The following EYA2 variants were observed in gnomAD, a reference collection of about 807,000 sequenced individuals.
EYA2 encodes EYA transcriptional coactivator and phosphatase 2.
EYA2 carries 31 observed loss-of-function variants against 69.2 expected under a neutral mutation model. The ratio of observed to expected loss-of-function variants is 0.45; its 90% CI spans 0.34 to 0.60. EYA2 has a LOEUF of 0.60. Among genes scored for constraint, EYA2 ranks in the 20% least tolerant of loss-of-function variants. The probability of loss-of-function intolerance (pLI) is 0.02; values close to 1 mark genes in which losing one functional copy is unlikely to be tolerated. For synonymous variants in EYA2, 257 were observed against 279.4 expected, an observed-to-expected ratio of 0.92 and a Z score of 0.80; for missense variants, 622 against 701.2, an observed-to-expected ratio of 0.89 and a Z score of 1.28.
chr20:47,054,004 T>C (rs914580940), intron 5 of EYA2, among the ~76,000 whole-genome samples: 2 of 152,012 alleles, frequency 1.3e-5, no homozygotes, highest in African/African-American at 2.4e-5. Context: ...GGGGATGGTA[T>C]TGATGATGAC....
chr20:46,903,381 A>C (rs747090112), intron 1 of EYA2, among the ~76,000 whole-genome samples: 1 of 152,206 alleles, frequency 6.6e-6, no homozygotes, highest in Non-Finnish European at 1.5e-5. Flanking sequence ...CGCACTAGGC[A>C]TATAGGACTT....
intron 5 of EYA2, among the ~76,000 whole-genome samples, chr20:47,048,965 T>C (rs78566054): frequency 0.037 from 5,558 of 152,232 alleles, 352 homozygotes; most frequent in African/African-American, 0.13. Context: ...CTCAACACAT[T>C]AAATGTATTA....
chr20:47,113,826 C>G (rs78407057), intron 9 of EYA2, among the ~76,000 whole-genome samples: 1 of 151,158 alleles, frequency 6.6e-6, no homozygotes, highest in East Asian at 2.0e-4. Context: ...GCCTCAGACA[C>G]AGCTGAGCCC....
chr20:47,183,026 T>A (rs1189571497), intron 14 of EYA2, among the ~76,000 whole-genome samples: 1 of 152,158 alleles, frequency 6.6e-6, no homozygotes, highest in East Asian at 1.9e-4. Flanking sequence ...TGCAGAGACT[T>A]GGGAGCCTGC....
chr20:46,958,933 C>A (rs112016303), intron 1 of EYA2, among the ~76,000 whole-genome samples: 3,601 of 152,250 alleles, frequency 0.024, 140 homozygotes, highest in African/African-American at 0.079. Context: ...TTTCTTTATC[C>A]AGTATATCAT....
At chr20:47,035,400 A>C (rs1984642847) in intron 5 of EYA2, among the ~76,000 whole-genome samples, 1 of 152,174 alleles carries the variant, frequency 6.6e-6, no homozygotes, top group East Asian at 1.9e-4. Flanking sequence ...CCATAGCCAC[A>C]CAATATCTCT....
At chr20:46,996,694 C>T (rs1300477641) in intron 2 of EYA2, among the ~76,000 whole-genome samples, 1 of 152,060 alleles carries the variant, frequency 6.6e-6, no homozygotes, top group East Asian at 1.9e-4. Context: ...TCTCGCACTG[C>T]CATAAAAAAA....
intron 8 of EYA2, among the ~76,000 whole-genome samples, chr20:47,093,799 G>T (rs2032160702): frequency 6.6e-6 from 1 of 152,160 alleles, no homozygotes. Context: ...ACACAAACAG[G>T]TTATATAACA....
At chr20:47,037,909 C>T (rs549199560) in intron 5 of EYA2, among the ~76,000 whole-genome samples, 40 of 152,276 alleles carry the variant, frequency 2.6e-4, no homozygotes, top group Admixed American at 2.0e-3. Flanking sequence ...TATTGGATAT[C>T]TTGGTGGGTA....
intron 5 of EYA2, among the ~76,000 whole-genome samples, chr20:47,031,710 T>C (rs1984427398): frequency 6.6e-6 from 1 of 152,214 alleles, no homozygotes; most frequent in Admixed American, 6.5e-5. Flanking sequence ...TTTTTATTTC[T>C]GACGTTTCGA....
intron 9 of EYA2, among the ~76,000 whole-genome samples, chr20:47,097,412 C>T (rs1227056274): frequency 6.6e-6 from 1 of 152,212 alleles, no homozygotes; most frequent in Non-Finnish European, 1.5e-5. Flanking sequence ...TCAACATTTA[C>T]TTGATAGGAA....
intron 1 of EYA2, among the ~76,000 whole-genome samples, chr20:46,924,568 G>T (rs997724051): frequency 2.6e-5 from 4 of 151,330 alleles, no homozygotes; most frequent in African/African-American, 9.7e-5. Context: ...TACTCAGGAG[G>T]CTGAGGCAGG....
intron 1 of EYA2, among the ~76,000 whole-genome samples, chr20:46,971,245 G>T (rs13037317): frequency 6.6e-6 from 1 of 151,964 alleles, no homozygotes; most frequent in African/African-American, 2.4e-5. Context: ...TAACCTAGGA[G>T]TTTATTTCTC....
chr20:47,099,347 A>G (rs1280810298), intron 9 of EYA2, among the ~76,000 whole-genome samples: 2 of 152,228 alleles, frequency 1.3e-5, no homozygotes, highest in African/African-American at 4.8e-5. Context: ...CCTGGGCAAC[A>G]TAGTGAGACC....
intron 1 of EYA2, among the ~76,000 whole-genome samples, chr20:46,968,025 G>A (rs73908737): frequency 0.025 from 3,754 of 152,290 alleles, 84 homozygotes; most frequent in East Asian, 0.062. Context: ...GGGGATGGCT[G>A]CTGGAGGATG....
chr20:46,990,188 G>A (rs1412185421), intron 2 of EYA2, 69 bp downstream of exon 2: 6 of 819,962 alleles, frequency 7.3e-6, no homozygotes, highest in Non-Finnish European at 1.3e-5. Flanking sequence ...AATATCGTAA[G>A]CAACAGACAC....
chr20:47,162,761 CA>C (rs1393119204), intron 10 of EYA2, among the ~76,000 whole-genome samples: 2 of 151,774 alleles, frequency 1.3e-5, no homozygotes, highest in Non-Finnish European at 2.9e-5. Context: ...TCAGGAGATG[CA>C]CCCTCTTTGG....
chr20:47,071,935 A>G, intron 5 of EYA2: 1 of 519,562 alleles, frequency 1.9e-6, no homozygotes, highest in Non-Finnish European at 3.5e-6. Context: ...CGCATCAGCA[A>G]GCACTTGGAA....
chr20:46,999,615 G>A (rs1483672885), intron 2 of EYA2, among the ~76,000 whole-genome samples: 1 of 152,108 alleles, frequency 6.6e-6, no homozygotes, highest in African/African-American at 2.4e-5. Flanking sequence ...CATAAAATAG[G>A]CAATTCTCCT....
Sources: gnomAD v4.1 joint callset for allele counts (sites outside exome capture counted in the v4.1 genomes callset) on GRCh38, gnomAD v4.1.1 for gene constraint, MANE v1.5 for transcripts, NCBI Gene and HGNC (gene_info 2026-07-23, HGNC 2026-07-21) for gene names.